UNC5D: variants seen among roughly 807,000 people sequenced by gnomAD.
UNC5D encodes the protein unc-5 netrin receptor D.
In UNC5D, 39 loss-of-function variants were observed where a neutral mutation model predicts 105.4. The ratio of observed to expected loss-of-function variants is 0.37; its 90% CI spans 0.29 to 0.48. UNC5D has a LOEUF of 0.48. Among genes scored for constraint, UNC5D ranks in the 20% least tolerant of loss-of-function variants. The pLI, the probability that UNC5D is intolerant of heterozygous loss-of-function variation, is 0.98. For missense variants in UNC5D, 991 were observed against 1,202.4 expected, an observed-to-expected ratio of 0.82 and a Z score of 2.60; for synonymous variants, 452 against 450.4, an observed-to-expected ratio of 1.00 and a Z score of -0.04.
At chr8:35,699,536 G>A (rs970875767) in intron 7 of UNC5D, among the ~76,000 whole-genome samples, 5 of 152,102 alleles carry the variant, frequency 3.3e-5, no homozygotes, top group Non-Finnish European at 7.4e-5. Flanking sequence ...TTCAGCCCTG[G>A]AATTCCACTA....
In UNC5D at chr8:35,721,266, A is replaced by G. The variant is rs544600408; in HGVS notation, c.1118-944A>G. 6.7e-4 allele frequency among the ~76,000 whole-genome samples: 102 copies of G among 152,094 alleles called. No homozygotes were observed. In the Middle Eastern group the frequency reaches 0.01, roughly 15 times the overall value. ...ATTACACCTCTTTGAGACTTATATT[A>G]TCTCAGATAAATCTCGTGTGCTGTA... On this transcript the variant is annotated intron_variant, in intron 8 of 16. Transcript: ENST00000404895.
At chr8:35,287,198 A>G (rs2128857202) in intron 1 of UNC5D, among the ~76,000 whole-genome samples, 1 of 152,320 alleles carries the variant, frequency 6.6e-6, no homozygotes, top group African/African-American at 2.4e-5. Context: ...CACAGGCATA[A>G]GGACACAAAG....
intron 4 of UNC5D, among the ~76,000 whole-genome samples, chr8:35,610,311 G>A (rs748518918): frequency 4.6e-5 from 7 of 152,054 alleles, no homozygotes; most frequent in Non-Finnish European, 8.8e-5. Context: ...TGAAGGTTGG[G>A]AGCCACCAGG....
chr8:35,538,680 A>T (rs1376475388), intron 1 of UNC5D, among the ~76,000 whole-genome samples: 1 of 151,780 alleles, frequency 6.6e-6, no homozygotes, highest in East Asian at 1.9e-4. Flanking sequence ...TTTGAAGGAT[A>T]TTTAGGAGAG....
At chr8:35,533,639 C>G (rs1563508581) in intron 1 of UNC5D, among the ~76,000 whole-genome samples, 1 of 152,236 alleles carries the variant, frequency 6.6e-6, no homozygotes, top group African/African-American at 2.4e-5. Context: ...GGCGCCCCTC[C>G]CCCAGCCTCG....
At chr8:35,659,356 C>G (rs1162678182) in intron 4 of UNC5D, among the ~76,000 whole-genome samples, 2 of 152,144 alleles carry the variant, frequency 1.3e-5, no homozygotes, top group African/African-American at 4.8e-5. Flanking sequence ...GGTTTGAGAT[C>G]AATTTTGTGA....
chr8:35,561,351 C>A (rs1306233778), intron 2 of UNC5D, among the ~76,000 whole-genome samples: 1 of 152,136 alleles, frequency 6.6e-6, no homozygotes, highest in Non-Finnish European at 1.5e-5. Context: ...AATGGAAAGG[C>A]CCTTGGCCAC....
chr8:35,497,077 T>C (rs1424662180), intron 1 of UNC5D, among the ~76,000 whole-genome samples: 4 of 152,180 alleles, frequency 2.6e-5, no homozygotes, highest in African/African-American at 9.7e-5. Flanking sequence ...AAGACCCCAA[T>C]AAATGGTTAA....
intron 3 of UNC5D, among the ~76,000 whole-genome samples, chr8:35,589,035 C>T (rs1262890873): frequency 1.3e-5 from 2 of 150,402 alleles, no homozygotes; most frequent in Admixed American, 1.3e-4. Context: ...AAGAGCAAGA[C>T]TTCATCTCAA....
rs1347692785 is a variant in UNC5D at position 35,654,452 on chromosome 8, G to A, written c.571-29095G>A. On this transcript the variant is annotated intron_variant, in intron 4 of 16. Transcript: ENST00000404895. ...TGATCTGATCTTCCACTCTACCTGA[G>A]TTCAGGCTTTGTCCCCTGTCTATAC... Among the ~76,000 whole-genome samples, 3 of 152,220 alleles carry A rather than the reference G, an allele frequency of 2.0e-5. No homozygotes were observed. The South Asian group carries it at 6.2e-4, about 32-fold the overall frequency.
chr8:35,414,697 C>T (rs1360802000), intron 1 of UNC5D, among the ~76,000 whole-genome samples: 2 of 152,076 alleles, frequency 1.3e-5, no homozygotes, highest in Non-Finnish European at 2.9e-5. Context: ...TTACCACAGG[C>T]TGTGAAAAGT....
At chr8:35,627,920 G>A (rs915710241) in intron 4 of UNC5D, among the ~76,000 whole-genome samples, 1 of 152,016 alleles carries the variant, frequency 6.6e-6, no homozygotes, top group African/African-American at 2.4e-5. Flanking sequence ...GAGCGAGACT[G>A]TCTCAAAAAA....
chr8:35,421,959 G>C (rs1282702660), intron 1 of UNC5D, among the ~76,000 whole-genome samples: 3 of 152,090 alleles, frequency 2.0e-5, no homozygotes, highest in Non-Finnish European at 4.4e-5. Context: ...GCCAAATTTG[G>C]GACAGAATAA....
chr8:35,708,843 A>C (rs1334265953), intron 8 of UNC5D, among the ~76,000 whole-genome samples: 1 of 152,130 alleles, frequency 6.6e-6, no homozygotes, highest in Non-Finnish European at 1.5e-5. Context: ...TCTTCAGTTG[A>C]ATATGTCCTA....
chr8:35,642,601 G>A (rs1028629976), intron 4 of UNC5D, among the ~76,000 whole-genome samples: 5 of 152,036 alleles, frequency 3.3e-5, no homozygotes, highest in Admixed American at 6.6e-5. Context: ...TGAAGCCTGC[G>A]AAATCCGAAT....
intron 4 of UNC5D, among the ~76,000 whole-genome samples, chr8:35,633,060 T>C (rs994555082): frequency 3.9e-5 from 6 of 152,214 alleles, no homozygotes; most frequent in South Asian, 2.1e-4. Context: ...ATTTCCTCCA[T>C]GTCAGGTTCA....
At chr8:35,336,098 T>C (rs1329490083) in intron 1 of UNC5D, among the ~76,000 whole-genome samples, 1 of 152,082 alleles carries the variant, frequency 6.6e-6, no homozygotes, top group African/African-American at 2.4e-5. Flanking sequence ...TATTCACATA[T>C]TAAAATGCAC....
intron 1 of UNC5D, among the ~76,000 whole-genome samples, chr8:35,324,560 A>T (rs778821979): frequency 1.1e-4 from 17 of 152,152 alleles, no homozygotes; most frequent in Non-Finnish European, 2.2e-4. Context: ...TCTTATGTGC[A>T]TTTCTCATAG....
intron 11 of UNC5D, among the ~76,000 whole-genome samples, chr8:35,739,478 T>C (rs1014857774): frequency 5.3e-5 from 8 of 152,182 alleles, no homozygotes; most frequent in African/African-American, 1.9e-4. Flanking sequence ...AAAATTGCTA[T>C]CATCTTAATG....
Sources: allele counts gnomAD v4.1 joint callset (sites outside exome capture counted in the v4.1 genomes callset), GRCh38; gene constraint gnomAD v4.1.1; transcripts MANE v1.5; gene names NCBI Gene and HGNC (gene_info 2026-07-23, HGNC 2026-07-21).